The following RMP24 variants were observed in gnomAD, a reference collection of about 807,000 sequenced individuals.
RMP24 encodes the protein ribonuclease MRP subunit p24.
chr18:35,972,898 T>A, the RMP24 span: 2 of 1,614,174 alleles, frequency 1.2e-6, no homozygotes, highest in Non-Finnish European at 1.7e-6. Flanking sequence ...GGCCTACACT[T>A]CGTCGCACGG....
chr18:35,976,335 C>G, the RMP24 span, among the ~76,000 whole-genome samples: 1 of 151,808 alleles, frequency 6.6e-6, no homozygotes, highest in African/African-American at 2.4e-5. Flanking sequence ...AACCTGTATA[C>G]AGCCTCCTTC....
the RMP24 span, chr18:35,972,845 G>A: frequency 6.2e-7 from 1 of 1,614,230 alleles, no homozygotes; most frequent in Admixed American, 1.7e-5. Flanking sequence ...GAGCGGGTAG[G>A]TGTTCCTTTG....
At chr18:35,976,694 A>C in the RMP24 span, among the ~76,000 whole-genome samples, 1 of 152,174 alleles carries the variant, frequency 6.6e-6, no homozygotes, top group Admixed American at 6.5e-5. Flanking sequence ...ATTTCCAGTG[A>C]TACTGTGCCA....
the RMP24 span, chr18:35,975,120 T>C: frequency 9.5e-6 from 15 of 1,577,074 alleles, no homozygotes; most frequent in African/African-American, 1.4e-5. Context: ...CCAGTATGTA[T>C]GAGTAAACTA....
chr18:35,978,944 A>C, the RMP24 span: 1 of 1,612,792 alleles, frequency 6.2e-7, no homozygotes, highest in South Asian at 1.1e-5. Context: ...TGAATCCCAA[A>C]AGATTCCAAA....
chr18:35,979,003 AT>A, the RMP24 span: 1 of 1,576,998 alleles, frequency 6.3e-7, no homozygotes, highest in Non-Finnish European at 8.6e-7. Flanking sequence ...GACTTTTAAA[AT>A]AAGAAATGCC....
chr18:35,974,688 TTGC>T, the RMP24 span, among the ~76,000 whole-genome samples: 1 of 152,344 alleles, frequency 6.6e-6, no homozygotes, highest in Non-Finnish European at 1.5e-5. Flanking sequence ...TGCCTATCTG[TTGC>T]TGAAAGGAGT....
At chr18:35,979,189 G>T in the RMP24 span, 2 of 499,624 alleles carry the variant, frequency 4.0e-6, no homozygotes, top group Non-Finnish European at 7.0e-6. Context: ...TAGGACAGCT[G>T]TGAGGATCAA....
chr18:35,978,765 C>T, the RMP24 span: 1 of 1,384,366 alleles, frequency 7.2e-7, no homozygotes, highest in Non-Finnish European at 9.8e-7. Flanking sequence ...TGTATATGGC[C>T]ATAATACAAA....
At chr18:35,973,133 C>G in the RMP24 span, 9 of 618,664 alleles carry the variant, frequency 1.5e-5, no homozygotes, top group Non-Finnish European at 2.0e-5. Context: ...ATAGTTTCCT[C>G]CCTTGGCTTC....
chr18:35,975,028 G>C, the RMP24 span: 1 of 1,614,066 alleles, frequency 6.2e-7, no homozygotes, highest in Non-Finnish European at 8.5e-7. Context: ...CGAGAAGCGA[G>C]AAACTATACA....
chr18:35,979,007 G>T, the RMP24 span: 5 of 1,568,496 alleles, frequency 3.2e-6, no homozygotes, highest in African/African-American at 1.4e-5. Context: ...TTTAAAATAA[G>T]AAATGCCTGA....
At chr18:35,975,183 C>A in the RMP24 span, 1 of 1,070,360 alleles carries the variant, frequency 9.3e-7, no homozygotes, top group Non-Finnish European at 1.3e-6. Flanking sequence ...CTCAGTATAA[C>A]TCAGAGATTT....
At chr18:35,974,939 G>A in the RMP24 span, 1 of 1,614,150 alleles carries the variant, frequency 6.2e-7, no homozygotes, top group Non-Finnish European at 8.5e-7. Context: ...ACTGTTTCCA[G>A]CTGTTGGTTC....
the RMP24 span, chr18:35,978,822 T>C: frequency 1.9e-6 from 3 of 1,568,462 alleles, no homozygotes; most frequent in East Asian, 6.8e-5. Context: ...AGTGTGGTTT[T>C]GTTTCTTTTC....
chr18:35,978,800 T>C, the RMP24 span: 2 of 1,526,450 alleles, frequency 1.3e-6, no homozygotes, highest in East Asian at 2.3e-5. Context: ...TTGTCATTTG[T>C]TGGTATAACT....
the RMP24 span, chr18:35,978,812 A>G: frequency 6.4e-7 from 1 of 1,560,450 alleles, no homozygotes; most frequent in South Asian, 1.2e-5. Context: ...GGTATAACTA[A>G]GTGTGGTTTT....
At chr18:35,973,480 AG>A in the RMP24 span, 37,651 of 152,982 alleles carry the variant, frequency 0.25, 4,799 homozygotes, top group African/African-American at 0.31. Context: ...ACCCCCAACA[AG>A]ATCCTCCAGT....
chr18:35,977,635 G>A, the RMP24 span: 1 of 1,582,090 alleles, frequency 6.3e-7, no homozygotes, highest in South Asian at 1.1e-5. Context: ...AATTGCCAGT[G>A]TTAAGTGTTT....
Sources: gnomAD v4.1 joint callset for allele counts (sites outside exome capture counted in the v4.1 genomes callset) on GRCh38, gnomAD v4.1.1 for gene constraint, MANE v1.5 for transcripts, NCBI Gene and HGNC (gene_info 2026-07-23, HGNC 2026-07-21) for gene names.